CNTN1: variants seen among roughly 807,000 people sequenced by gnomAD.
CNTN1 encodes the protein contactin-1.
In CNTN1, 38 loss-of-function variants were observed where a neutral mutation model predicts 126.4. The observed-to-expected ratio is 0.30, with a 90% CI of 0.23 to 0.39. The LOEUF (loss-of-function observed/expected upper bound fraction) is 0.39. Ranked by LOEUF, CNTN1 falls within the 10% of genes least tolerant of loss-of-function variation. The pLI is 1.00. For synonymous variants in CNTN1, 413 were observed against 422.6 expected (o/e 0.98, Z 0.28); for missense variants, 1,009 against 1,248.4 (o/e 0.81, Z 2.89).
chr12:40,766,356 TA>T (rs11381914), intron 1 of CNTN1, among the ~76,000 whole-genome samples: 19,910 of 133,710 alleles, frequency 0.15, 1,533 homozygotes, highest in South Asian at 0.22. Flanking sequence ...AACTCCGTCT[TA>T]AAAAAAAAAA....
chr12:41,056,891 T>TATATTTAGATATTTATAAATATTATAA (rs1566233455), intron 23 of CNTN1, among the ~76,000 whole-genome samples: 2 of 108,218 alleles, frequency 1.8e-5, no homozygotes, highest in African/African-American at 3.8e-5. Context: ...TTATAAATAT[T>TATATTTAGATATTTATAAATATTATAA]ATATTTAGAT....
chr12:40,859,539 AC>A (rs1592168733), intron 1 of CNTN1, among the ~76,000 whole-genome samples: 2 of 84,408 alleles, frequency 2.4e-5, no homozygotes, highest in African/African-American at 7.1e-5. Context: ...GGAAAAAAAA[AC>A]AACGACAAAA....
At chr12:40,939,907 A>G (rs985455582) in intron 12 of CNTN1, among the ~76,000 whole-genome samples, 1 of 152,146 alleles carries the variant, frequency 6.6e-6, no homozygotes, top group Non-Finnish European at 1.5e-5. Flanking sequence ...GAAAAATAAA[A>G]AGGTGATTTC....
At position 40,996,838 on chromosome 12, in the gene CNTN1, A is replaced by G. The variant is rs1335294993; in HGVS notation, c.2113+3569A>G. Among the ~76,000 whole-genome samples the G allele has an allele frequency of 7.2e-5, 11 of 152,356 alleles. No homozygotes were observed. The South Asian group carries it at 2.1e-3, about 29-fold the overall frequency. ...GACATTTACATTTTTCATTTTTATAAGAAAATAAAAATACTTTCTAAATGA... is the reference window on the plus strand; with the variant it reads ...GACATTTACATTTTTCATTTTTATAGGAAAATAAAAATACTTTCTAAATGA... On this transcript the variant is annotated intron_variant, in intron 17 of 23. Transcript: ENST00000551295.
chr12:40,909,413 C>A (rs1025147305), intron 2 of CNTN1, among the ~76,000 whole-genome samples: 1 of 151,628 alleles, frequency 6.6e-6, no homozygotes, highest in Non-Finnish European at 1.5e-5. Flanking sequence ...TTCTAACAAC[C>A]AATTTTTCTA....
intron 1 of CNTN1, among the ~76,000 whole-genome samples, chr12:40,834,394 A>G (rs1218832064): frequency 6.6e-6 from 1 of 152,220 alleles, no homozygotes; most frequent in Non-Finnish European, 1.5e-5. Flanking sequence ...GAAAAACTCA[A>G]GTGGCAAATT....
intron 9 of CNTN1, 78 bp downstream of exon 9, chr12:40,933,956 A>T: frequency 2.8e-6 from 3 of 1,080,368 alleles, no homozygotes; most frequent in African/African-American, 3.2e-5. Flanking sequence ...AAAAACTACT[A>T]TATAATGATT....
At chr12:40,774,456 C>A (rs1592072564) in intron 1 of CNTN1, among the ~76,000 whole-genome samples, 1 of 151,572 alleles carries the variant, frequency 6.6e-6, no homozygotes, top group Non-Finnish European at 1.5e-5. Context: ...GGGAAATTTG[C>A]AATCTCACAA....
intron 1 of CNTN1, among the ~76,000 whole-genome samples, chr12:40,835,799 T>TACACACACACACACACACAC (rs10556497): frequency 7.0e-6 from 1 of 142,446 alleles, no homozygotes; most frequent in African/African-American, 2.6e-5. Context: ...ATGCTATTTA[T>TACACACACACACACACACAC]ACACACACAC....
chr12:40,948,191 T>A (rs1370694811), intron 14 of CNTN1, among the ~76,000 whole-genome samples: 1 of 151,778 alleles, frequency 6.6e-6, no homozygotes, highest in Non-Finnish European at 1.5e-5. Flanking sequence ...TTAATACTTT[T>A]TATAAGAGAG....
intron 23 of CNTN1, among the ~76,000 whole-genome samples, chr12:41,029,476 G>A (rs1343591850): frequency 2.0e-5 from 3 of 152,198 alleles, no homozygotes; most frequent in South Asian, 2.1e-4. Context: ...TAAGACGAAC[G>A]AGTTTTTGGG....
intron 1 of CNTN1, among the ~76,000 whole-genome samples, chr12:40,722,907 A>G (rs1232824939): frequency 6.6e-6 from 1 of 152,054 alleles, no homozygotes; most frequent in African/African-American, 2.4e-5. Context: ...TTTTTTTCCT[A>G]TGTAAAGGAA....
intron 3 of CNTN1, among the ~76,000 whole-genome samples, chr12:40,915,819 A>G (rs1945215521): frequency 6.6e-6 from 1 of 152,070 alleles, no homozygotes; most frequent in Admixed American, 6.6e-5. Context: ...GCTAACACCT[A>G]TAGTGTATCA....
chr12:40,695,970 C>A (rs1455782619), intron 1 of CNTN1, among the ~76,000 whole-genome samples: 2 of 152,152 alleles, frequency 1.3e-5, no homozygotes, highest in Non-Finnish European at 2.9e-5. Context: ...AGGAAGCCTG[C>A]AGGTGTTAAT....
intron 1 of CNTN1, among the ~76,000 whole-genome samples, chr12:40,796,178 G>C (rs1462216066): frequency 6.6e-6 from 1 of 152,036 alleles, no homozygotes; most frequent in Non-Finnish European, 1.5e-5. Context: ...AGCACAGGAG[G>C]CTTCATGGGT....
intron 1 of CNTN1, among the ~76,000 whole-genome samples, chr12:40,904,398 T>C (rs112000923): frequency 0.41 from 61,134 of 147,826 alleles, 13,103 homozygotes; most frequent in African/African-American, 0.53. Context: ...TCCTTCCTTC[T>C]TCCCTCCCTC....
rs528736228 is a variant in CNTN1 at position 40,715,129 on chromosome 12, G to A, written c.-77+22537G>A. On this transcript the variant is annotated intron_variant, in intron 1 of 23. Transcript: ENST00000551295. ...TGATTGTTAAGCATAAATGTACATTGAATATCACTGGAATTGCTTGTTAAA... is the reference window on the plus strand; with the variant it reads ...TGATTGTTAAGCATAAATGTACATTAAATATCACTGGAATTGCTTGTTAAA... Among the ~76,000 whole-genome samples the A allele has an allele frequency of 8.5e-5, 13 of 152,236 alleles. No individual in the cohort carries two copies. In the South Asian group the frequency reaches 2.7e-3, roughly 32 times the overall value.
At chr12:40,915,038 A>G (rs1448724615) in intron 3 of CNTN1, among the ~76,000 whole-genome samples, 1 of 152,064 alleles carries the variant, frequency 6.6e-6, no homozygotes, top group East Asian at 1.9e-4. Flanking sequence ...AAAAATACAT[A>G]TTATTAAGAT....
At chr12:41,023,128 A>T (rs1948960571) in intron 20 of CNTN1, among the ~76,000 whole-genome samples, 1 of 152,146 alleles carries the variant, frequency 6.6e-6, no homozygotes, top group African/African-American at 2.4e-5. Flanking sequence ...GGTGAAAACC[A>T]ATACCCCAAT....
Sources: allele counts gnomAD v4.1 joint callset (sites outside exome capture counted in the v4.1 genomes callset), GRCh38; gene constraint gnomAD v4.1.1; transcripts MANE v1.5; gene names NCBI Gene and HGNC (gene_info 2026-07-23, HGNC 2026-07-21).